SYMPK: variants seen among roughly 807,000 people sequenced by gnomAD.
SYMPK encodes symplekin.
In SYMPK, 49 loss-of-function variants were observed where a neutral mutation model predicts 136.4. That is an observed-to-expected ratio of 0.36 (90% CI 0.29 to 0.46). SYMPK has a LOEUF of 0.46. Among genes scored for constraint, SYMPK ranks in the 20% least tolerant of loss-of-function variants. The pLI is 1.00. For synonymous variants in SYMPK, 766 were observed against 713.0 expected (o/e 1.07, Z -1.19); for missense variants, 1,365 against 1,690.0 (o/e 0.81, Z 3.37).
At chr19:45,826,487 A>G (rs1036659599) in intron 16 of SYMPK, 114 bp from the exon 17 acceptor site, 25 of 1,171,144 alleles carry the variant, frequency 2.1e-5, no homozygotes, top group Admixed American at 1.3e-4. Context: ...GAGAAGGGGC[A>G]GCCCAGCTGT....
chr19:45,834,954 T>C lies in SYMPK; in HGVS notation c.1393+124A>G, dbSNP rs1027535610. ...AGCCATCTATCTGTGGTACCTGTCA[T>C]TATCTACACCTTAGCTCCCACATGA... On this transcript the variant is annotated intron_variant, in intron 11 of 26. Coordinates refer to ENST00000245934, the MANE Select transcript of SYMPK (RefSeq NM_004819.3). 8.9e-6 allele frequency: 8 copies of C among 894,836 alleles called. No individual in the cohort carries two copies. In the East Asian group the frequency reaches 1.9e-4, roughly 21 times the overall value. The allele number at this position is 894,836 out of a possible 1,614,324, so 55.4% of individuals were successfully genotyped here. A position where few individuals can be genotyped will look rare whatever the true frequency, so the allele number is the denominator to read the frequency against.
intron 1 of SYMPK, among the ~76,000 whole-genome samples, chr19:45,856,349 A>T (rs1382805151): frequency 6.6e-6 from 1 of 152,124 alleles, no homozygotes; most frequent in East Asian, 1.9e-4. Context: ...CAAAAAAAAA[A>T]GGTGAATCTC....
At chr19:45,829,610 G>A (rs1306308383) in intron 13 of SYMPK, among the ~76,000 whole-genome samples, 2 of 152,058 alleles carry the variant, frequency 1.3e-5, no homozygotes, top group African/African-American at 4.8e-5. Flanking sequence ...CTATACTACT[G>A]GCTAATCAAC....
intron 23 of SYMPK, among the ~76,000 whole-genome samples, chr19:45,817,415 C>CT (rs1568605953): frequency 3.0e-5 from 3 of 100,168 alleles, no homozygotes; most frequent in African/African-American, 3.9e-5. Flanking sequence ...TTTTTTTGTT[C>CT]TCTTTTTTTT....
intron 9 of SYMPK, among the ~76,000 whole-genome samples, chr19:45,839,690 G>A (rs760379411): frequency 7.9e-5 from 12 of 152,016 alleles, no homozygotes; most frequent in Non-Finnish European, 1.5e-4. Context: ...AAAATTAGCC[G>A]GGCAGATGGC....
At chr19:45,836,388 T>C (rs1388817488) in intron 10 of SYMPK, among the ~76,000 whole-genome samples, 1 of 152,016 alleles carries the variant, frequency 6.6e-6, no homozygotes, top group Non-Finnish European at 1.5e-5. Flanking sequence ...CATAGCACTT[T>C]GGGAGGCTGA....
At chr19:45,854,646 C>T (rs950487380) in intron 1 of SYMPK, 139 bp from the exon 2 acceptor site, 5 of 664,644 alleles carry the variant, frequency 7.5e-6, no homozygotes, top group Non-Finnish European at 1.3e-5. Flanking sequence ...TTCTCAAGTC[C>T]CTCTCCCCTC....
chr19:45,861,188 AAAAAT>A (rs540904318), intron 1 of SYMPK, among the ~76,000 whole-genome samples: 3 of 152,172 alleles, frequency 2.0e-5, no homozygotes, highest in Non-Finnish European at 2.9e-5. Flanking sequence ...CTCTGCCTCA[AAAAAT>A]AAAATAAAAT....
chr19:45,817,417 C>CTCTCTTTTTTTTT (rs1568605965), intron 23 of SYMPK, among the ~76,000 whole-genome samples: 3 of 108,480 alleles, frequency 2.8e-5, no homozygotes, highest in South Asian at 3.1e-4. Flanking sequence ...TTTTTGTTCT[C>CTCTCTTTTTTTTT]TTTTTTTTTT....
intron 3 of SYMPK, among the ~76,000 whole-genome samples, chr19:45,852,955 C>T (rs955126503): frequency 1.3e-5 from 2 of 152,210 alleles, no homozygotes; most frequent in Non-Finnish European, 2.9e-5. Flanking sequence ...TTCACATTGC[C>T]ATGATTCAGC....
At chr19:45,830,305 G>A (rs1207405788) in intron 12 of SYMPK, 101 bp from the exon 13 acceptor site, 13 of 1,344,828 alleles carry the variant, frequency 9.7e-6, no homozygotes, top group Non-Finnish European at 1.2e-5. Context: ...CAACAGAGAT[G>A]GCCCCCATCC....
chr19:45,828,896 C>A, intron 14 of SYMPK, 74 bp downstream of exon 14: 1 of 1,456,100 alleles, frequency 6.9e-7, no homozygotes, highest in Non-Finnish European at 9.5e-7. Flanking sequence ...GAGGTGGTCG[C>A]AATCAGAAAG....
intron 17 of SYMPK, among the ~76,000 whole-genome samples, 165 bp downstream of exon 17, chr19:45,826,061 C>T (rs1971036580): frequency 6.6e-6 from 1 of 152,186 alleles, no homozygotes; most frequent in Non-Finnish European, 1.5e-5. Flanking sequence ...CAGGCTGGGC[C>T]AGATGCCCCC....
At chr19:45,826,477 G>A in intron 16 of SYMPK, 104 bp from the exon 17 acceptor site, 2 of 1,270,686 alleles carry the variant, frequency 1.6e-6, no homozygotes, top group Non-Finnish European at 2.2e-6. Context: ...GCCCGAGGCT[G>A]AGAAGGGGCA....
At position 45,816,601 on chromosome 19, in the gene SYMPK, C is replaced by T. The variant is rs368753449; in HGVS notation, c.3259-24G>A. Reference sequence around the variant, plus strand: ...TGCTGGGTGGAGAGCAGGAAGGGGGCGCTGGGGGCAGCTCTGGCACAGAGA... The same window carrying T: ...TGCTGGGTGGAGAGCAGGAAGGGGGTGCTGGGGGCAGCTCTGGCACAGAGA... On this transcript the variant is annotated intron_variant, in intron 24 of 26. Transcript: ENST00000245934. 6 of 1,612,566 alleles carry T rather than the reference C, an allele frequency of 3.7e-6. No homozygotes were observed. In the African/African-American group the frequency reaches 5.3e-5, roughly 14 times the overall value.
intron 7 of SYMPK, 46 bp from the exon 8 acceptor site, chr19:45,844,246 G>A (rs1370271227): frequency 6.9e-7 from 1 of 1,459,666 alleles, no homozygotes; most frequent in Admixed American, 2.3e-5. Context: ...CGTTTTCCCA[G>A]GCCTCTGGAG....
intron 22 of SYMPK, chr19:45,819,706 T>C (rs1224328448): frequency 6.6e-6 from 1 of 152,346 alleles, no homozygotes; most frequent in Non-Finnish European, 1.5e-5. Flanking sequence ...CCAGGATGGA[T>C]ATGGGTGAGC....
intron 10 of SYMPK, among the ~76,000 whole-genome samples, chr19:45,836,175 G>A (rs1467867520): frequency 1.3e-5 from 2 of 151,424 alleles, no homozygotes; most frequent in Non-Finnish European, 2.9e-5. Flanking sequence ...TCTGCCGCCT[G>A]GGTTCAAGCA....
At position 45,821,808 on chromosome 19, in the gene SYMPK, AAC is replaced by A. The variant is rs913830186; in HGVS notation, c.2792-325_2792-324del. ...AGGACCACCTCCTCGTGTGGTCCCCAACACAGACTCCACCGCGGCACAGGGGG... is the reference window on the plus strand; with the variant it reads ...AGGACCACCTCCTCGTGTGGTCCCCAACAGACTCCACCGCGGCACAGGGGG... On this transcript the variant is annotated intron_variant, in intron 21 of 26. Transcript: ENST00000245934. This position sits in a 1 kb window ranked among gnomAD's most constrained non-coding sequence, Gnocchi z 4.4. Among the ~76,000 whole-genome samples, 12 of 152,130 alleles carry A rather than the reference AAC, an allele frequency of 7.9e-5. No individual in the cohort carries two copies. The highest frequency in any genetic ancestry group is 3.9e-4 in the Admixed American group (6 of 15,268).
Sources: allele counts gnomAD v4.1 joint callset (sites outside exome capture counted in the v4.1 genomes callset), GRCh38; gene constraint gnomAD v4.1.1; non-coding constraint Gnocchi (gnomAD v3.1); transcripts MANE v1.5; gene names NCBI Gene and HGNC (gene_info 2026-07-23, HGNC 2026-07-21).